The following CNBD1 variants were observed in gnomAD, a reference collection of about 807,000 sequenced individuals.
The protein encoded by CNBD1 is cyclic nucleotide-binding domain-containing protein 1.
Under a neutral mutation model 54.4 loss-of-function variants are expected in CNBD1, and 71 were observed. The ratio of observed to expected loss-of-function variants is 1.30; its 90% CI spans 1.08 to 1.59. CNBD1 has a LOEUF of 1.59. Among genes scored for constraint, CNBD1 ranks in the 40% most tolerant of loss-of-function variants. The pLI, the probability that CNBD1 is intolerant of heterozygous loss-of-function variation, is 0.00. For missense variants in CNBD1, 659 were observed against 518.0 expected (o/e 1.27, Z -2.64); for synonymous variants, 182 against 170.7 (o/e 1.07, Z -0.51).
intron 4 of CNBD1, among the ~76,000 whole-genome samples, chr8:86,970,046 C>T (rs1361705754): frequency 1.3e-5 from 2 of 151,596 alleles, no homozygotes; most frequent in African/African-American, 4.8e-5. Flanking sequence ...TCTTTTCATT[C>T]TTGAATGTTT....
chr8:86,904,316 T>A (rs1424398149), intron 2 of CNBD1, among the ~76,000 whole-genome samples: 1 of 152,082 alleles, frequency 6.6e-6, no homozygotes, highest in Non-Finnish European at 1.5e-5. Flanking sequence ...TAGCATTTTT[T>A]AAAAAATTGA....
intron 3 of CNBD1, among the ~76,000 whole-genome samples, chr8:86,917,030 C>T (rs1809197462): frequency 6.6e-6 from 1 of 152,014 alleles, no homozygotes; most frequent in Admixed American, 6.6e-5. Flanking sequence ...ACCACCGTGC[C>T]CAGCTAATTT....
intron 4 of CNBD1, among the ~76,000 whole-genome samples, chr8:86,997,393 T>C (rs112286085): frequency 1.1e-4 from 17 of 152,336 alleles, no homozygotes; most frequent in African/African-American, 2.9e-4. Flanking sequence ...AGTTGTCTTC[T>C]ATCATTGCCT....
rs187029034 is a variant in CNBD1 at position 86,915,889 on chromosome 8, T to A, written c.272+10695T>A. On this transcript the variant is annotated intron_variant, in intron 3 of 10. Transcript: ENST00000518476. ...AAATGCTCGGGTAGATGACAGTCAA[T>A]TCTCCTTTTAGCTCTATTAATCTAA... 2.4e-3 allele frequency among the ~76,000 whole-genome samples: 371 copies of A among 152,320 alleles called. 1 individual carries two copies. Among genetic ancestry groups the A allele is most frequent in the African/African-American group, 8.2e-3 (340 of 41,570 alleles).
chr8:87,312,705 G>A (rs1422469822), intron 8 of CNBD1, among the ~76,000 whole-genome samples: 3 of 151,700 alleles, frequency 2.0e-5, no homozygotes, highest in Non-Finnish European at 4.4e-5. Context: ...AGTATTTCGA[G>A]GTGTTTTTTT....
chr8:87,112,641 C>T (rs1397836667), intron 4 of CNBD1, among the ~76,000 whole-genome samples: 1 of 152,182 alleles, frequency 6.6e-6, no homozygotes. Flanking sequence ...CTTTCAAACA[C>T]CAATGATAAC....
At chr8:87,375,332 G>A (rs112416743) in intron 10 of CNBD1, among the ~76,000 whole-genome samples, 73 of 151,856 alleles carry the variant, frequency 4.8e-4, no homozygotes, top group Non-Finnish European at 4.4e-5. Flanking sequence ...CACAGAGAGA[G>A]GTAAGTGGAA....
At chr8:87,135,215 G>T (rs1426967394) in intron 4 of CNBD1, among the ~76,000 whole-genome samples, 5 of 151,828 alleles carry the variant, frequency 3.3e-5, no homozygotes, top group African/African-American at 1.2e-4. Flanking sequence ...CACAAATATA[G>T]TACTGTCTAT....
intron 6 of CNBD1, among the ~76,000 whole-genome samples, chr8:87,260,483 A>T (rs1179991218): frequency 2.6e-5 from 4 of 152,182 alleles, no homozygotes; most frequent in Admixed American, 6.6e-5. Flanking sequence ...CACCAGATTT[A>T]TTACAGCTTA....
intron 8 of CNBD1, among the ~76,000 whole-genome samples, chr8:87,337,573 A>C (rs538281034): frequency 6.6e-6 from 1 of 152,224 alleles, no homozygotes; most frequent in African/African-American, 2.4e-5. Context: ...GTGTGGCTCC[A>C]TGGTGGTGAC....
intron 4 of CNBD1, among the ~76,000 whole-genome samples, chr8:87,133,696 T>TAAAA (rs200198528): frequency 5.6e-5 from 8 of 141,942 alleles, no homozygotes; most frequent in Non-Finnish European, 7.7e-5. Context: ...TCTTTTAAAG[T>TAAAA]AAAAAAAAAA....
At chr8:87,277,448 G>A (rs1808507650) in intron 6 of CNBD1, among the ~76,000 whole-genome samples, 1 of 151,682 alleles carries the variant, frequency 6.6e-6, no homozygotes, top group African/African-American at 2.4e-5. Context: ...ACAGAAAAAT[G>A]TTTGACCAAA....
intron 3 of CNBD1, among the ~76,000 whole-genome samples, chr8:86,934,522 A>C (rs1420269775): frequency 6.6e-6 from 1 of 152,178 alleles, no homozygotes; most frequent in Non-Finnish European, 1.5e-5. Flanking sequence ...CCTTCACTAG[A>C]ATGTTGAATC....
At chr8:87,286,257 T>A (rs1357473149) in intron 7 of CNBD1, among the ~76,000 whole-genome samples, 1 of 152,202 alleles carries the variant, frequency 6.6e-6, no homozygotes, top group Admixed American at 6.5e-5. Context: ...TTTAGTTTAA[T>A]CTTGACTATG....
intron 5 of CNBD1, among the ~76,000 whole-genome samples, chr8:87,231,046 G>T (rs931030712): frequency 2.6e-5 from 4 of 152,032 alleles, no homozygotes; most frequent in African/African-American, 9.7e-5. Context: ...ATTTCATATG[G>T]CTGAGAGCTG....
intron 4 of CNBD1, among the ~76,000 whole-genome samples, chr8:87,033,863 C>T (rs1318583481): frequency 6.6e-6 from 1 of 152,096 alleles, no homozygotes; most frequent in Non-Finnish European, 1.5e-5. Flanking sequence ...CCATCCTTTG[C>T]TGGCATTATA....
intron 4 of CNBD1, among the ~76,000 whole-genome samples, chr8:87,151,687 A>C (rs1387540004): frequency 6.6e-6 from 1 of 152,166 alleles, no homozygotes; most frequent in Non-Finnish European, 1.5e-5. Flanking sequence ...TTTCTATGCT[A>C]TACAGGCTCA....
At chr8:86,941,834 T>C (rs1458430733) in intron 4 of CNBD1, among the ~76,000 whole-genome samples, 1 of 152,206 alleles carries the variant, frequency 6.6e-6, no homozygotes, top group Non-Finnish European at 1.5e-5. Context: ...TTTAATGGCC[T>C]GTTTCCAAAC....
intron 4 of CNBD1, among the ~76,000 whole-genome samples, chr8:87,150,335 G>A (rs1452943301): frequency 6.6e-6 from 1 of 152,144 alleles, no homozygotes; most frequent in African/African-American, 2.4e-5. Flanking sequence ...AGGTCTATAT[G>A]GCTTTTCACT....
Sources: gnomAD v4.1 joint callset for allele counts (sites outside exome capture counted in the v4.1 genomes callset) on GRCh38, gnomAD v4.1.1 for gene constraint, MANE v1.5 for transcripts, NCBI Gene and HGNC (gene_info 2026-07-23, HGNC 2026-07-21) for gene names.